Variants in ARAF observed in about 807,000 individuals in gnomAD.
ARAF encodes serine/threonine-protein kinase A-Raf.
ARAF carries 18 observed loss-of-function variants against 48.0 expected under a neutral mutation model. That is an observed-to-expected ratio of 0.37 (90% CI 0.26 to 0.56). The LOEUF is 0.56. Ranked by LOEUF, ARAF falls within the 20% of genes least tolerant of loss-of-function variation. The pLI is 0.77. For missense variants in ARAF, 389 were observed against 543.1 expected, an observed-to-expected ratio of 0.72 and a Z score of 2.82; for synonymous variants, 207 against 220.1, an observed-to-expected ratio of 0.94 and a Z score of 0.53.
chrX:47,568,448 G>C (rs761339166), intron 10 of ARAF, among the ~76,000 whole-genome samples: 72 of 110,637 alleles, frequency 6.5e-4, no homozygotes, highest in Non-Finnish European at 1.2e-3. Context: ...TAGGCAGGGA[G>C]GGGGAGGGGC....
At chrX:47,569,320 G>A (rs749630923) in intron 12 of ARAF, 122 of 458,979 alleles carry the variant, frequency 2.7e-4, no homozygotes, top group African/African-American at 1.8e-3. Context: ...GATGCCCTCC[G>A]AGGGGCTTCC....
chrX:47,563,368 C>A lies in ARAF; in HGVS notation c.200+39C>A, dbSNP rs112933282. On this transcript the variant is annotated intron_variant, in intron 3 of 15. Coordinates refer to ENST00000377045, the MANE Select transcript of ARAF (RefSeq NM_001654.5). ...CCCCACGCCCACCCACTGGGTGTCCCACCTCCCATCCCCTCCTCAGTCATT... is the reference window on the plus strand; with the variant it reads ...CCCCACGCCCACCCACTGGGTGTCCAACCTCCCATCCCCTCCTCAGTCATT... The A allele has an allele frequency of 9.0e-4, 907 of 1,009,924 alleles. 5 individuals carry two copies. The African/African-American group carries it at 0.015, about 16-fold the overall frequency. The allele number at this position is 1,009,924 out of a possible 1,213,427, so 83.2% of individuals were successfully genotyped here. A position where few individuals can be genotyped will look rare whatever the true frequency, so the allele number is the denominator to read the frequency against.
intron 10 of ARAF, among the ~76,000 whole-genome samples, chrX:47,567,908 A>G (rs1421538058): frequency 9.0e-6 from 1 of 111,649 alleles, no homozygotes; most frequent in Non-Finnish European, 1.9e-5. Flanking sequence ...TTGCTGTAAT[A>G]TGTAATCAAT....
intron 10 of ARAF, 133 bp downstream of exon 10, chrX:47,567,565 C>A: frequency 1.4e-6 from 1 of 722,263 alleles, no homozygotes; most frequent in African/African-American, 2.1e-5. Context: ...GAAGTTGTTT[C>A]TCTCTGAAGG....
At chrX:47,569,105 T>C in intron 12 of ARAF, 72 bp downstream of exon 12, 1 of 1,117,287 alleles carries the variant, frequency 9.0e-7, no homozygotes, top group Non-Finnish European at 1.2e-6. Context: ...TTGTGGGGGT[T>C]CTGGGAATTA....
chrX:47,570,777 C>T, intron 14 of ARAF, 101 bp from the exon 15 acceptor site: 1 of 867,399 alleles, frequency 1.2e-6, no homozygotes, highest in Non-Finnish European at 1.6e-6. Context: ...AGTACCCCAG[C>T]TCGCTAAAAA....
intron 14 of ARAF, 68 bp downstream of exon 14, chrX:47,570,092 C>T: frequency 8.8e-7 from 1 of 1,139,290 alleles, no homozygotes; most frequent in Non-Finnish European, 1.2e-6. Flanking sequence ...TACCCCACAT[C>T]CCCTCCTTTG....
At chrX:47,570,050 T>A in intron 14 of ARAF, 26 bp downstream of exon 14, 1 of 1,197,942 alleles carries the variant, frequency 8.3e-7, no homozygotes, top group Non-Finnish European at 1.1e-6. Flanking sequence ...TACCCACAGT[T>A]CCCTGGGCTG....
Position 47,570,016 on chromosome X carries a change from C to T in ARAF, c.1543C>T (p.Arg515Cys), listed in dbSNP as rs969755578. The T allele has an allele frequency of 4.2e-6, 5 of 1,203,464 alleles. No homozygotes were observed. Among genetic ancestry groups the T allele is most frequent in the Non-Finnish European group, 4.5e-6 (4 of 893,121 alleles). Residue 515 changes from arginine to cysteine, a missense_variant, in exon 14 of 16, where the codon CGT (arginine) becomes TGT (cysteine). This residue lies in a region of ARAF where 170 missense variants were observed against 281.4 expected (regional missense o/e 0.60). Transcript: ENST00000377045. ...GSLPYSHIGC[R>C]DQIIFMVGRG... ...ACTGCCTTACAGCCACATTGGCTGCCGTGACCAGGTGAGCCCCACACCTTA... is the reference window on the plus strand; with the variant it reads ...ACTGCCTTACAGCCACATTGGCTGCTGTGACCAGGTGAGCCCCACACCTTA...
At chrX:47,571,216 T>TGGGG in intron 15 of ARAF, 107 bp from the exon 16 acceptor site, 5 of 279,942 alleles carry the variant, frequency 1.8e-5, no homozygotes, top group Non-Finnish European at 2.5e-5. Flanking sequence ...CTGTTGGGTG[T>TGGGG]GTGTGTGTGT....
chrX:47,563,525 T>C (rs1302986438), intron 3 of ARAF, among the ~76,000 whole-genome samples, 196 bp downstream of exon 3: 2 of 112,232 alleles, frequency 1.8e-5, no homozygotes, highest in African/African-American at 3.2e-5. Flanking sequence ...CCGAACCCAA[T>C]TGCTATCAGT....
At chrX:47,567,483 C>T in intron 10 of ARAF, 51 bp downstream of exon 10, 1 of 1,136,649 alleles carries the variant, frequency 8.8e-7, no homozygotes, top group Non-Finnish European at 1.2e-6. Flanking sequence ...GCCTTGGCAT[C>T]TCTCTGGGAA....
intron 15 of ARAF, 98 bp downstream of exon 15, chrX:47,571,110 AGTGTGTGTGTGTGTGTGTGT>A (rs34644595): frequency 2.4e-6 from 2 of 820,995 alleles, no homozygotes; most frequent in Non-Finnish European, 1.7e-6. Flanking sequence ...TCAGAGGTAT[AGTGTGTGTGTGTGTGTGTGT>A]GTGTGTGTGT....
chrX:47,562,611 G>A (rs979163031), intron 1 of ARAF, among the ~76,000 whole-genome samples: 1 of 109,653 alleles, frequency 9.1e-6, no homozygotes, highest in Non-Finnish European at 1.9e-5. Flanking sequence ...AGAGTCTTGT[G>A]TGCTCCTCTA....
rs1246686140 is a variant in ARAF, at chrX:47,571,498, C to T, written c.*41C>T. 3 of 1,174,254 alleles carry T rather than the reference C, an allele frequency of 2.6e-6. No homozygotes were observed. Among genetic ancestry groups the T allele is most frequent in the East Asian group, 3.1e-5 (1 of 32,602 alleles). On this transcript the variant is annotated 3_prime_UTR_variant, in exon 16 of 16. Transcript: ENST00000377045. ...CCAGGGAGCCAATCTCAGCCCTCCACGCCAAGGAGCCTTGCCCACCAGCCA... is the reference window on the plus strand; with the variant it reads ...CCAGGGAGCCAATCTCAGCCCTCCATGCCAAGGAGCCTTGCCCACCAGCCA...
In ARAF at chrX:47,571,399, G is replaced by A. The variant is rs776912006; in HGVS notation, c.1763G>A (p.Arg588His). The A allele has an allele frequency of 2.5e-6, 3 of 1,208,768 alleles. No individual in the cohort carries two copies. The highest frequency in any genetic ancestry group is 2.2e-5 in the Admixed American group (1 of 45,768). The change falls in exon 16 of 16, where the codon CGC becomes CAC. Residue 588 changes from arginine (R) to histidine (H), a missense_variant. Arg to His is a conservative substitution (Grantham distance 29). Around this residue, in one of 4 missense-constraint regions of ARAF, gnomAD observed 170 missense variants for 281.4 expected, o/e 0.60. Coordinates refer to ENST00000377045, the MANE Select transcript of ARAF (RefSeq NM_001654.5). ...AGTGCCTCGGAACCCTCCTTGCACC[G>A]CACCCAGGCCGATGAGTTGCCTGCC... is the stretch of plus-strand genomic sequence containing the variant. ...ERSASEPSLHRTQADELPACL... is the reference protein window; with the variant it reads ...ERSASEPSLHHTQADELPACL...
intron 13 of ARAF, 35 bp downstream of exon 13, chrX:47,569,692 G>A: frequency 1.7e-6 from 2 of 1,169,297 alleles, no homozygotes; most frequent in South Asian, 1.8e-5. Context: ...GGGCACATGG[G>A]GACGTGGGCT....
At chrX:47,562,157 C>G (rs1438876060) in intron 1 of ARAF, among the ~76,000 whole-genome samples, 2 of 110,203 alleles carry the variant, frequency 1.8e-5, no homozygotes, top group Non-Finnish European at 3.8e-5. Flanking sequence ...ATAATCCTCT[C>G]TTTCCCATCA....
chrX:47,567,021 C>T lies in ARAF; in HGVS notation c.763C>T (p.Arg255Trp), dbSNP rs1020990103. The T allele has an allele frequency of 1.4e-5, 17 of 1,209,949 alleles. No homozygotes were observed. The highest frequency in any genetic ancestry group is 1.0e-4 in the African/African-American group (6 of 57,246). The change falls in exon 9 of 16, where the codon CGG (arginine) becomes TGG (tryptophan). Residue 255 changes from arginine (R) to tryptophan (W), a missense_variant. Around this residue, in one of 4 missense-constraint regions of ARAF, gnomAD observed 154 missense variants for 133.6 expected, o/e 1.15. Transcript: ENST00000377045. ...GSRGGSDGTPRGSPSPASVSS... is the reference protein window; with the variant it reads ...GSRGGSDGTPWGSPSPASVSS... ...TAGAGGAGGTAGTGATGGAACCCCC[C>T]GGGGGAGCCCCAGCCCAGCCAGCGT...
Sources: gnomAD v4.1 joint callset for allele counts (sites outside exome capture counted in the v4.1 genomes callset) on GRCh38, gnomAD v4.1.1 for gene constraint, gnomAD v4.1.1 regional missense constraint, MANE v1.5 for transcripts, NCBI Gene and HGNC (gene_info 2026-07-23, HGNC 2026-07-21) for gene names.